OVCH1: variants seen among roughly 807,000 people sequenced by gnomAD.
OVCH1 encodes the protein ovochymase-1.
Under a neutral mutation model 138.4 loss-of-function variants are expected in OVCH1, and 139 were observed. The observed-to-expected ratio is 1.00, with a 90% CI of 0.87 to 1.16. The LOEUF (loss-of-function observed/expected upper bound fraction) is 1.16. Ranked by LOEUF, OVCH1 falls within the 50% of genes most tolerant of loss-of-function variation. The probability of loss-of-function intolerance (pLI) is 0.00; values close to 1 mark genes in which losing one functional copy is unlikely to be tolerated. For missense variants in OVCH1, 1,367 were observed against 1,357.9 expected (o/e 1.01, Z -0.11); for synonymous variants, 453 against 467.8 (o/e 0.97, Z 0.41).
chr12:29,496,165 G>A lies in OVCH1; in HGVS notation c.281+16C>T. The A allele has an allele frequency of 6.3e-7, 1 of 1,586,780 alleles. No homozygotes were observed. Among genetic ancestry groups the A allele is most frequent in the Non-Finnish European group, 8.6e-7 (1 of 1,162,224 alleles). ...AGGAATCAAGGCCTGACAAGTAATG[G>A]AAATCCACAACTTACTCACTGAGGC... On this transcript the variant is annotated intron_variant, in intron 3 of 27. Transcript: ENST00000318184.
intron 27 of OVCH1, chr12:29,427,690 T>C (rs1941201464): frequency 6.5e-7 from 1 of 1,541,156 alleles, no homozygotes; most frequent in Non-Finnish European, 8.7e-7. Flanking sequence ...ACTCAGTCTA[T>C]GGTATTTGTT....
At chr12:29,439,434 G>T (rs750213409) in exon 26 of OVCH1, 71 of 1,505,156 alleles carry the variant, frequency 4.7e-5, no homozygotes, top group Non-Finnish European at 6.0e-5. Flanking sequence ...AGCGAATGAA[G>T]CTAAGATGGT....
intron 3 of OVCH1, among the ~76,000 whole-genome samples, chr12:29,413,602 T>C (rs1940990188): frequency 6.6e-6 from 1 of 152,160 alleles, no homozygotes; most frequent in Non-Finnish European, 1.5e-5. Context: ...ATTTTTATCT[T>C]ATCACCAAAA....
intron 19 of OVCH1, among the ~76,000 whole-genome samples, chr12:29,459,023 T>G (rs1272579938): frequency 6.6e-6 from 1 of 152,144 alleles, no homozygotes; most frequent in Non-Finnish European, 1.5e-5. Context: ...AGGGAACCCA[T>G]GTACATTATT....
chr12:29,416,038 G>GTGT (rs1941026573), intron 3 of OVCH1, among the ~76,000 whole-genome samples: 1 of 150,836 alleles, frequency 6.6e-6, no homozygotes, highest in South Asian at 2.1e-4. Context: ...TCAACAGATG[G>GTGT]TGTTAGAGCA....
chr12:29,422,995 T>C (rs1236466759), downstream of OVCH1: 1 of 231,692 alleles, frequency 4.3e-6, no homozygotes, highest in Non-Finnish European at 8.7e-6. Flanking sequence ...TAAGGAATGG[T>C]TTGAAATGAA....
At chr12:29,455,344 A>G in exon 20 of OVCH1, 1 of 1,613,930 alleles carries the variant, frequency 6.2e-7, no homozygotes, top group East Asian at 2.2e-5. Flanking sequence ...CCAGCTGACA[A>G]TGCCATAGAG....
chr12:29,435,597 G>A (rs1202255991), intron 26 of OVCH1, among the ~76,000 whole-genome samples: 5 of 151,938 alleles, frequency 3.3e-5, no homozygotes, highest in African/African-American at 1.2e-4. Flanking sequence ...CCCGTGATCC[G>A]CCCACCTCGG....
downstream of OVCH1, among the ~76,000 whole-genome samples, chr12:29,422,751 CT>C (rs1941123195): frequency 6.6e-6 from 1 of 152,078 alleles, no homozygotes; most frequent in Non-Finnish European, 1.5e-5. Flanking sequence ...CTAATCTATT[CT>C]CTTCTGGGAA....
At chr12:29,403,566 C>T in the OVCH1 span, among the ~76,000 whole-genome samples, 1 of 152,182 alleles carries the variant, frequency 6.6e-6, no homozygotes, top group Non-Finnish European at 1.5e-5. Flanking sequence ...AGGGACCTTC[C>T]TCAGTTCCTC....
In OVCH1 at chr12:29,482,759, T is replaced by C. The variant is rs192850247; in HGVS notation, c.995+3487A>G. ...TGATTTTTACTTCTAAAATAACCCT[T>C]CTTCTCTTGAAACTTTTTCTTGCAG... On this transcript the variant is annotated intron_variant, in intron 8 of 27. Coordinates refer to ENST00000318184, the Ensembl canonical transcript of OVCH1. Among the ~76,000 whole-genome samples the C allele has an allele frequency of 7.5e-3, 1,149 of 152,340 alleles. 8 individuals are homozygous for C. The highest frequency in any genetic ancestry group is 0.013 in the Non-Finnish European group (888 of 68,028).
chr12:29,435,552 C>G (rs1007558320), intron 26 of OVCH1, among the ~76,000 whole-genome samples: 1 of 152,038 alleles, frequency 6.6e-6, no homozygotes, highest in African/African-American at 2.4e-5. Context: ...GACAGGGTTT[C>G]ACTGTGTTAG....
chr12:29,433,847 C>G (rs751148847), intron 26 of OVCH1: 1 of 1,354,022 alleles, frequency 7.4e-7, no homozygotes, highest in East Asian at 2.9e-5. Flanking sequence ...AATGGAAATG[C>G]CTCCCAAACT....
chr12:29,448,680 C>A (rs778474616), intron 22 of OVCH1, among the ~76,000 whole-genome samples: 7 of 152,020 alleles, frequency 4.6e-5, no homozygotes, highest in Non-Finnish European at 7.4e-5. Context: ...ATGTGCCAAG[C>A]AGTTAGGCTA....
intron 8 of OVCH1, among the ~76,000 whole-genome samples, chr12:29,484,114 G>C (rs1347347180): frequency 6.6e-6 from 1 of 152,176 alleles, no homozygotes; most frequent in Non-Finnish European, 1.5e-5. Context: ...AAGAAAATGA[G>C]ATACTTGCAG....
intron 16 of OVCH1, among the ~76,000 whole-genome samples, chr12:29,467,980 A>T (rs745892791): frequency 2.6e-5 from 4 of 152,198 alleles, no homozygotes; most frequent in Admixed American, 2.6e-4. Context: ...ACACACTTCA[A>T]GGATTAGATT....
intron 3 of OVCH1, among the ~76,000 whole-genome samples, chr12:29,414,306 A>G (rs1286063880): frequency 6.6e-6 from 1 of 152,132 alleles, no homozygotes; most frequent in Non-Finnish European, 1.5e-5. Context: ...GATTACAGGC[A>G]TAAGAGTGTC....
chr12:29,415,955 C>CA (rs557792386), intron 3 of OVCH1, among the ~76,000 whole-genome samples: 36 of 147,508 alleles, frequency 2.4e-4, no homozygotes, highest in South Asian at 1.1e-3. Context: ...CATAGCTCAA[C>CA]AAAAAAAAAG....
Position 29,451,318 on chromosome 12 carries a change from C to T in OVCH1, c.2755+27G>A, listed in dbSNP as rs184572204. ...CCTACATGGACCAAGACTCCTAGCA[C>T]GAAGTTTATATGCCAGGAAGGATTA... is the stretch of plus-strand genomic sequence containing the variant. On this transcript the variant is annotated intron_variant, in intron 22 of 27. Coordinates refer to ENST00000318184, the Ensembl canonical transcript of OVCH1. 1,517 of 1,576,736 alleles carry T rather than the reference C, an allele frequency of 9.6e-4. 4 individuals carry two copies. Among genetic ancestry groups the T allele is most frequent in the Non-Finnish European group, 1.1e-3 (1,232 of 1,151,698 alleles).
Sources: allele counts gnomAD v4.1 joint callset (sites outside exome capture counted in the v4.1 genomes callset), GRCh38; gene constraint gnomAD v4.1.1; transcripts MANE v1.5; gene names NCBI Gene and HGNC (gene_info 2026-07-23, HGNC 2026-07-21).